Variants in TET3 observed in about 807,000 individuals in gnomAD.
TET3 encodes the protein tet methylcytosine dioxygenase 3.
TET3 carries 19 observed loss-of-function variants against 141.4 expected under a neutral mutation model. The ratio of observed to expected loss-of-function variants is 0.13; its 90% CI spans 0.09 to 0.20. The LOEUF (loss-of-function observed/expected upper bound fraction) is 0.20. Ranked by LOEUF, TET3 falls within the 10% of genes least tolerant of loss-of-function variation. TET3 has a pLI of 1.00. For synonymous variants in TET3, 1,043 were observed against 980.9 expected, an observed-to-expected ratio of 1.06 and a Z score of -1.18; for missense variants, 1,874 against 2,356.9, an observed-to-expected ratio of 0.80 and a Z score of 4.24.
intron 5 of TET3, among the ~76,000 whole-genome samples, chr2:74,075,680 T>A (rs193091401): frequency 1.3e-5 from 2 of 152,292 alleles, no homozygotes; most frequent in Admixed American, 6.5e-5. Flanking sequence ...TTGAGCTGAA[T>A]GACTATAACA....
intron 2 of TET3, among the ~76,000 whole-genome samples, chr2:73,989,810 T>C (rs1277430226): frequency 6.6e-6 from 1 of 151,754 alleles, no homozygotes; most frequent in Non-Finnish European, 1.5e-5. Flanking sequence ...AAAAGTAGGG[T>C]TTGGTGAGTA....
the TET3 span, among the ~76,000 whole-genome samples, chr2:74,131,183 A>G: frequency 1.7e-4 from 26 of 152,194 alleles, no homozygotes; most frequent in African/African-American, 5.5e-4. Context: ...ATTTGCAGCC[A>G]GAATGGGAAT....
intron 3 of TET3, among the ~76,000 whole-genome samples, chr2:74,041,702 G>A (rs548660899): frequency 6.6e-6 from 1 of 152,144 alleles, no homozygotes; most frequent in South Asian, 2.1e-4. Context: ...GAAAATTTTT[G>A]AAAAAAACTG....
chr2:74,011,142 C>T (rs1685406704), intron 3 of TET3, among the ~76,000 whole-genome samples: 2 of 147,984 alleles, frequency 1.4e-5, no homozygotes, highest in Non-Finnish European at 3.0e-5. Flanking sequence ...GCAGGAGAAT[C>T]GCTTGAACCC....
rs1267577280 is a variant in TET3 at position 74,025,295 on chromosome 2, G to GT, written c.361-20972dup. ...ACTAAATAGTCAAATGTAGGTTTTT[G>GT]TTTTTTTTTTTGAGATGGAGTCTCG... On this transcript the variant is annotated intron_variant, in intron 3 of 11. Coordinates refer to ENST00000409262, the MANE Select transcript of TET3 (RefSeq NM_001287491.2). Among the ~76,000 whole-genome samples, 839 of 139,528 alleles carry GT rather than the reference G, an allele frequency of 6.0e-3. 8 individuals carry two copies. The highest frequency in any genetic ancestry group is 0.01 in the African/African-American group (399 of 38,418). 91.5% of individuals were successfully genotyped at this position (139,528 alleles called of 152,430 possible). A position where few individuals can be genotyped will look rare whatever the true frequency, so the allele number is the denominator to read the frequency against.
intron 10 of TET3, among the ~76,000 whole-genome samples, chr2:74,097,046 C>T (rs1023836664): frequency 6.7e-6 from 1 of 150,346 alleles, no homozygotes; most frequent in Non-Finnish European, 1.5e-5. Flanking sequence ...TGAGCCGTGT[C>T]ACACCACTGC....
chr2:74,110,226 T>TC (rs766726949), downstream of TET3, among the ~76,000 whole-genome samples: 17 of 151,804 alleles, frequency 1.1e-4, no homozygotes, highest in South Asian at 4.2e-4. Context: ...TTTTTTTTTT[T>TC]AATGCTTCAC....
intron 8 of TET3, 110 bp from the exon 9 acceptor site, chr2:74,092,792 C>T: frequency 1.1e-6 from 1 of 923,044 alleles, no homozygotes; most frequent in Non-Finnish European, 1.7e-6. Context: ...CCTGATAACA[C>T]CTCCCTCCCA....
At chr2:74,115,058 A>T in the TET3 span, among the ~76,000 whole-genome samples, 4 of 152,034 alleles carry the variant, frequency 2.6e-5, no homozygotes, top group Non-Finnish European at 5.9e-5. Context: ...TATTTTATGA[A>T]TAAGACCTCA....
chr2:74,048,780 G>A (rs1225845249), intron 4 of TET3, among the ~76,000 whole-genome samples: 1 of 152,206 alleles, frequency 6.6e-6, no homozygotes, highest in Non-Finnish European at 1.5e-5. Context: ...GGCTATGAGG[G>A]AGTGGAACTT....
chr2:74,106,813 C>T lies in TET3; in HGVS notation c.*4637C>T, dbSNP rs919700880. ...AAGTAGATTCCATGAGGGTCTGATA[C>T]CTGCAGGTTGTCCGTCTGATGACAT... On this transcript the variant is annotated 3_prime_UTR_variant, in exon 12 of 12. Transcript: ENST00000409262. 3 of 152,844 alleles carry T rather than the reference C, an allele frequency of 2.0e-5. No homozygotes were observed. Among genetic ancestry groups the T allele is most frequent in the Non-Finnish European group, 4.4e-5 (3 of 68,034 alleles). The allele number at this position is 152,844 out of a possible 1,614,324, so 9.5% of individuals were successfully genotyped here.
chr2:74,075,636 A>G (rs1216342975), intron 5 of TET3, among the ~76,000 whole-genome samples: 1 of 152,142 alleles, frequency 6.6e-6, no homozygotes, highest in Non-Finnish European at 1.5e-5. Flanking sequence ...GCAAGGAGCC[A>G]GATACTCTTG....
rs191996028 is a variant in TET3 at position 74,097,550 on chromosome 2, A to G, written c.3268-1726A>G. Among the ~76,000 whole-genome samples, 26 of 152,294 alleles carry G rather than the reference A, an allele frequency of 1.7e-4. No homozygotes were observed. The East Asian group carries it at 4.4e-3, about 26-fold the overall frequency. On this transcript the variant is annotated intron_variant, in intron 10 of 11. Transcript: ENST00000409262. ...GATCCTAGAAACAGGAGGGCAGGTCATGCTCGGGGGCTACTCAGGGGAGCA... is the reference window on the plus strand; with the variant it reads ...GATCCTAGAAACAGGAGGGCAGGTCGTGCTCGGGGGCTACTCAGGGGAGCA...
In TET3 at chr2:74,083,763, G is replaced by A. The variant is rs116767813; in HGVS notation, c.2679+3172G>A. 2.4e-3 allele frequency among the ~76,000 whole-genome samples: 371 copies of A among 152,282 alleles called. 3 individuals carry two copies. Among genetic ancestry groups the A allele is most frequent in the African/African-American group, 8.7e-3 (361 of 41,548 alleles). ...AGATAGCTGTCTGCTTGTGTCTAAT[G>A]ACATTGCGTGTTTGCCATTTGGGAA... On this transcript the variant is annotated intron_variant, in intron 6 of 11. Transcript: ENST00000409262.
intron 3 of TET3, among the ~76,000 whole-genome samples, chr2:74,010,659 T>A (rs1685382232): frequency 6.6e-6 from 1 of 152,266 alleles, no homozygotes; most frequent in African/African-American, 2.4e-5. Context: ...CCCAGGTAAT[T>A]TGAATGTGCA....
intron 4 of TET3, among the ~76,000 whole-genome samples, chr2:74,062,040 G>A (rs1688623443): frequency 1.3e-5 from 2 of 152,134 alleles, no homozygotes; most frequent in South Asian, 2.1e-4. Flanking sequence ...AGAGGCTGCA[G>A]TCTCGGCACT....
rs1327732412 is a variant in TET3, at chr2:74,093,851, A to C, written c.3267+185A>C. 6.6e-6 allele frequency among the ~76,000 whole-genome samples: 1 copy of C among 151,972 alleles called. No homozygotes were observed. Among genetic ancestry groups the C allele is most frequent in the Admixed American group, 6.6e-5 (1 of 15,246 alleles). On this transcript the variant is annotated intron_variant, in intron 10 of 11. Coordinates refer to ENST00000409262, the MANE Select transcript of TET3 (RefSeq NM_001287491.2). The surrounding 1 kb of genome is among the most constrained non-coding windows in gnomAD (Gnocchi z 4.2). The stretch of plus-strand genomic sequence containing the variant: ...CTCCCAGAGAAAACCTCACCAGAAA[A>C]CCCTTGAACAGACAAGGCTGGCTTT...
the TET3 span, chr2:74,120,785 C>T: frequency 1.3e-5 from 2 of 152,428 alleles, no homozygotes; most frequent in African/African-American, 4.8e-5. Context: ...CAAAACAACT[C>T]AGGAATCTTT....
intron 2 of TET3, chr2:73,998,316 G>T (rs1464852427): frequency 6.6e-6 from 1 of 152,264 alleles, no homozygotes; most frequent in Non-Finnish European, 1.5e-5. Context: ...ACCCTGACAA[G>T]GTTCACAGAC....
Sources: allele counts gnomAD v4.1 joint callset (sites outside exome capture counted in the v4.1 genomes callset), GRCh38; gene constraint gnomAD v4.1.1; non-coding constraint Gnocchi (gnomAD v3.1); transcripts MANE v1.5; gene names NCBI Gene and HGNC (gene_info 2026-07-23, HGNC 2026-07-21).